Variants in COLQ observed in about 807,000 individuals in gnomAD.
COLQ encodes the protein acetylcholinesterase collagenic tail peptide.
A neutral mutation model predicts 69.0 loss-of-function variants in COLQ; 48 were observed. The ratio of observed to expected loss-of-function variants is 0.70; its 90% confidence interval spans 0.55 to 0.88. The LOEUF (loss-of-function observed/expected upper bound fraction) is 0.88, where lower values mean the gene tolerates loss of function less well. COLQ is among the 40% of genes least tolerant of loss of function. The pLI, the probability that COLQ is intolerant of heterozygous loss-of-function variation, is 0.00. For synonymous variants in COLQ, 217 were observed against 211.2 expected (o/e 1.03, Z -0.24); for missense variants, 618 against 594.6 (o/e 1.04, Z -0.41).
chr3:15,458,967 C>T (rs1430005371), intron 12 of COLQ, among the ~76,000 whole-genome samples: 1 of 152,098 alleles, frequency 6.6e-6, no homozygotes, highest in African/African-American at 2.4e-5. Context: ...CCTCAGCCTC[C>T]TGTGTAGCTG....
At chr3:15,451,770 G>A (rs1008975522) in intron 16 of COLQ, 57 bp from the exon 17 acceptor site, 9 of 1,481,400 alleles carry the variant, frequency 6.1e-6, no homozygotes, top group Admixed American at 3.3e-5. Context: ...GGTGACTTCC[G>A]GTCAAACCTT....
At chr3:15,502,737 T>C (rs1271952307) in intron 1 of COLQ, among the ~76,000 whole-genome samples, 1 of 152,122 alleles carries the variant, frequency 6.6e-6, no homozygotes, top group Non-Finnish European at 1.5e-5. Context: ...TGAATACAGG[T>C]TTCCTGGAAT....
At chr3:15,498,838 G>A (rs2062790028) in intron 1 of COLQ, 3 of 1,423,874 alleles carry the variant, frequency 2.1e-6, no homozygotes, top group Non-Finnish European at 2.8e-6. Context: ...GGGAGGCTTG[G>A]AGGACAAGAG....
At position 15,473,545 on chromosome 3, in the gene COLQ, T is replaced by C. The variant is rs188933827; in HGVS notation, c.636+455A>G. On this transcript the variant is annotated intron_variant, in intron 10 of 16. Transcript: ENST00000383788. The surrounding 1 kb of genome is among the most constrained non-coding windows in gnomAD (Gnocchi z 4.0). ...ATACTTTTGTGTCCTTCTGGCAGTA[T>C]GTGCACCGCCCTTGAAGAAGGACTG... Among the ~76,000 whole-genome samples the C allele has an allele frequency of 1.1e-3, 161 of 152,324 alleles. No individual in the cohort carries two copies. The highest frequency in any genetic ancestry group is 1.7e-3 in the Non-Finnish European group (113 of 68,026).
At position 15,451,494 on chromosome 3, in the gene COLQ, A is replaced by C. The variant is rs1397970073; in HGVS notation, c.*150T>G. ...GTCCTAAATTCTTCCAGTCAGACTG[A>C]GTTAACAGCATGTCTTAGTAGCAGG... On this transcript the variant is annotated 3_prime_UTR_variant, in exon 17 of 17. Coordinates refer to ENST00000383788, the MANE Select transcript of COLQ (RefSeq NM_005677.4). The C allele has an allele frequency of 1.3e-6, 1 of 796,022 alleles. No homozygotes were observed. The allele number at this position is 796,022 out of a possible 1,614,324, so 49.3% of individuals were successfully genotyped here. A position where few individuals can be genotyped will look rare whatever the true frequency, so the allele number is the denominator to read the frequency against.
chr3:15,463,789 C>G (rs2062157406), intron 12 of COLQ, among the ~76,000 whole-genome samples: 1 of 152,138 alleles, frequency 6.6e-6, no homozygotes, highest in African/African-American at 2.4e-5. Flanking sequence ...CTTCCAGAAC[C>G]AAGGAGGAAG....
intron 1 of COLQ, among the ~76,000 whole-genome samples, chr3:15,490,283 A>G (rs1225651320): frequency 6.6e-6 from 1 of 152,252 alleles, no homozygotes; most frequent in Non-Finnish European, 1.5e-5. Flanking sequence ...ATGTTAGTAA[A>G]TGTTCAATGT....
rs777090135 is a variant in COLQ at position 15,489,603 on chromosome 3, G to A, written c.141C>T (p.Gly47=). The A allele has an allele frequency of 2.3e-5, 37 of 1,614,044 alleles. 1 individual carries two copies. The Middle Eastern group carries it at 2.1e-3, about 93-fold the overall frequency. The part of the protein sequence containing the change: ...LPSLDQKKRG[G]HKACCLLTPP... The stretch of plus-strand genomic sequence containing the variant: ...GCGTCAGCAGGCAGCATGCTTTGTG[G>A]CCACCACGCTTCTTCTGATCCAGGC... The change falls in exon 2 of 17, where the codon GGC becomes GGT. Residue 47 remains glycine (G), a synonymous_variant. Transcript: ENST00000383788.
chr3:15,461,998 C>CTTATTTATTTAT (rs71045162), intron 12 of COLQ, among the ~76,000 whole-genome samples: 56 of 137,910 alleles, frequency 4.1e-4, no homozygotes, highest in South Asian at 4.9e-4. Flanking sequence ...ACAGGGATAA[C>CTTATTTATTTAT]TTATTTATTT....
chr3:15,474,390 C>A, intron 8 of COLQ, 118 bp from the exon 9 acceptor site: 1 of 1,044,716 alleles, frequency 9.6e-7, no homozygotes, highest in South Asian at 1.3e-5. Flanking sequence ...AAGAAATAGG[C>A]TCAGATATGT....
chr3:15,491,193 GA>G (rs1214114604), intron 1 of COLQ, among the ~76,000 whole-genome samples: 15 of 149,656 alleles, frequency 1.0e-4, no homozygotes, highest in Admixed American at 8.0e-4. Context: ...AAAAAAAGAA[GA>G]AAAAAAAAGA....
intron 2 of COLQ, among the ~76,000 whole-genome samples, chr3:15,488,944 G>C (rs890039600): frequency 2.6e-5 from 4 of 152,220 alleles, no homozygotes; most frequent in Non-Finnish European, 4.4e-5. Flanking sequence ...TCAGGAGACA[G>C]AGCGTTGGGA....
chr3:15,457,838 C>T (rs879542631), intron 13 of COLQ, among the ~76,000 whole-genome samples: 3 of 152,082 alleles, frequency 2.0e-5, no homozygotes, highest in Admixed American at 6.5e-5. Flanking sequence ...AGGCTGATCT[C>T]GAACTCCTGA....
chr3:15,489,446 G>T, intron 2 of COLQ, 79 bp downstream of exon 2: 1 of 1,306,546 alleles, frequency 7.7e-7, no homozygotes, highest in Non-Finnish European at 1.1e-6. Context: ...CAGGTGGAGT[G>T]GGGCAGGCAG....
intron 1 of COLQ, among the ~76,000 whole-genome samples, chr3:15,499,265 T>C (rs745385609): frequency 3.9e-5 from 6 of 152,230 alleles, no homozygotes; most frequent in African/African-American, 1.2e-4. Context: ...TCTGGTACTT[T>C]ATAGGCACAC....
chr3:15,460,820 G>A (rs962641923), intron 12 of COLQ, among the ~76,000 whole-genome samples: 1 of 152,116 alleles, frequency 6.6e-6, no homozygotes, highest in African/African-American at 2.4e-5. Flanking sequence ...GGAATATTCT[G>A]GGTAATTAAG....
chr3:15,488,784 T>C (rs1271031091), intron 2 of COLQ, among the ~76,000 whole-genome samples: 2 of 152,264 alleles, frequency 1.3e-5, no homozygotes, highest in Non-Finnish European at 2.9e-5. Flanking sequence ...ATTGGAAAGT[T>C]AACTAATGAG....
chr3:15,509,339 C>T (rs1289881241), intron 1 of COLQ, among the ~76,000 whole-genome samples: 1 of 152,190 alleles, frequency 6.6e-6, no homozygotes, highest in African/African-American at 2.4e-5. Flanking sequence ...CAGTAAGTGG[C>T]TTGTCTTCTT....
At chr3:15,462,498 C>T (rs1265366637) in intron 12 of COLQ, among the ~76,000 whole-genome samples, 3 of 151,890 alleles carry the variant, frequency 2.0e-5, no homozygotes, top group Non-Finnish European at 4.4e-5. Context: ...GGGGCGGGGG[C>T]ATCAATCCAA....
Sources: allele counts gnomAD v4.1 joint callset (sites outside exome capture counted in the v4.1 genomes callset), GRCh38; gene constraint gnomAD v4.1.1; non-coding constraint Gnocchi (gnomAD v3.1); transcripts MANE v1.5; gene names NCBI Gene and HGNC (gene_info 2026-07-23, HGNC 2026-07-21).